Variants in SAP130 observed in about 807,000 individuals in gnomAD.
SAP130 encodes the protein Sin3A associated protein 130, also known as histone deacetylase complex subunit SAP130.
In SAP130, 16 loss-of-function variants were observed where a neutral mutation model predicts 103.2. The ratio of observed to expected loss-of-function variants is 0.16; its 90% confidence interval spans 0.10 to 0.24. The LOEUF (loss-of-function observed/expected upper bound fraction) is 0.24. Ranked by LOEUF, SAP130 falls within the 10% of genes least tolerant of loss-of-function variation. The pLI is 1.00. For synonymous variants in SAP130, 477 were observed against 497.0 expected, an observed-to-expected ratio of 0.96 and a Z score of 0.53; for missense variants, 990 against 1,359.7, an observed-to-expected ratio of 0.73 and a Z score of 4.28.
Position 127,996,617 on chromosome 2 carries a change from T to A in SAP130, c.1214-126A>T. The stretch of plus-strand genomic sequence containing the variant: ...AATAAGCCTGGATTTTTAATCAAAA[T>A]AAAAAATGAAAAATAAGTACAAAGT... On this transcript the variant is annotated intron_variant, in intron 10 of 20. Transcript: ENST00000643581. The surrounding 1 kb of genome is among the most constrained non-coding windows in gnomAD (Gnocchi z 4.3). 1 of 879,304 alleles carries A rather than the reference T, an allele frequency of 1.1e-6. No homozygotes were observed. The highest frequency in any genetic ancestry group is 1.7e-5 in the African/African-American group (1 of 57,320). 54.5% of individuals were successfully genotyped at this position (879,304 alleles called of 1,614,324 possible). A position where few individuals can be genotyped will look rare whatever the true frequency, so the allele number is the denominator to read the frequency against.
intron 15 of SAP130, among the ~76,000 whole-genome samples, chr2:127,958,170 T>G (rs540048992): frequency 2.2e-4 from 34 of 152,348 alleles, no homozygotes; most frequent in African/African-American, 7.9e-4. Flanking sequence ...ATCCCACCAC[T>G]TTGGGAGGCC....
rs116595964 is a variant in SAP130 at position 127,980,952 on chromosome 2, G to A, written c.1959-2863C>T. Among the ~76,000 whole-genome samples, 692 of 151,908 alleles carry A rather than the reference G, an allele frequency of 4.6e-3. 6 individuals are homozygous for A. The highest frequency in any genetic ancestry group is 0.016 in the African/African-American group (648 of 41,378). ...TAATGCAGATGAATTACATAAAACC[G>A]AGTGATGAAAGTCAGACTCACACAA... On this transcript the variant is annotated intron_variant, in intron 14 of 20. Transcript: ENST00000643581.
intron 19 of SAP130, among the ~76,000 whole-genome samples, chr2:127,943,901 T>A (rs1221995947): frequency 6.6e-6 from 1 of 152,258 alleles, no homozygotes; most frequent in East Asian, 1.9e-4. Context: ...TATAAACTTT[T>A]AAATTGTTTT....
At chr2:127,957,071 C>T (rs1298588524) in intron 15 of SAP130, among the ~76,000 whole-genome samples, 3 of 152,070 alleles carry the variant, frequency 2.0e-5, no homozygotes, top group African/African-American at 7.2e-5. Flanking sequence ...GAAGCTGAGG[C>T]GGAAGAATCA....
chr2:128,018,886 A>G (rs983212090), intron 2 of SAP130, among the ~76,000 whole-genome samples: 16 of 152,098 alleles, frequency 1.1e-4, no homozygotes, highest in African/African-American at 3.9e-4. Context: ...ATTTGAAGTC[A>G]GGAGTTCCAG....
At chr2:128,026,042 G>C in intron 2 of SAP130, 139 bp downstream of exon 2, 1 of 631,122 alleles carries the variant, frequency 1.6e-6, no homozygotes, top group Non-Finnish European at 2.8e-6. Flanking sequence ...GTTTAAATTA[G>C]AATAGTAATA....
At chr2:127,974,431 C>G (rs940376258) in intron 15 of SAP130, among the ~76,000 whole-genome samples, 6 of 152,120 alleles carry the variant, frequency 3.9e-5, no homozygotes, top group African/African-American at 1.4e-4. Context: ...GAGCACGAAG[C>G]TCACACATGT....
At chr2:128,027,099 C>G in intron 1 of SAP130, 2 of 1,415,222 alleles carry the variant, frequency 1.4e-6, no homozygotes, top group Non-Finnish European at 1.9e-6. Context: ...TACCTGTAGC[C>G]GCCGCCCGCC....
chr2:127,983,837 T>TG, intron 14 of SAP130, among the ~76,000 whole-genome samples: 2 of 130,034 alleles, frequency 1.5e-5, no homozygotes, highest in Admixed American at 7.8e-5. Context: ...TTTTTTTTTT[T>TG]TTTTTTTTTA....
Position 128,014,756 on chromosome 2 carries a change from T to C in SAP130, c.619+47A>G, listed in dbSNP as rs766719515. The C allele has an allele frequency of 9.3e-6, 12 of 1,293,194 alleles. No individual in the cohort carries two copies. The African/African-American group carries it at 1.5e-4, about 16-fold the overall frequency. 80.1% of individuals were successfully genotyped at this position (1,293,194 alleles called of 1,614,324 possible). On this transcript the variant is annotated intron_variant, in intron 5 of 20. Transcript: ENST00000643581. ...TGTTACGTATTTTACCAAATGTATA[T>C]CTACTACTACATTTTGAGAGTTTGA...
At chr2:127,968,743 T>C (rs573018372) in intron 15 of SAP130, among the ~76,000 whole-genome samples, 1 of 152,066 alleles carries the variant, frequency 6.6e-6, no homozygotes, top group South Asian at 2.1e-4. Flanking sequence ...CTCAAACTCC[T>C]GACCTCAAGT....
intron 7 of SAP130, among the ~76,000 whole-genome samples, chr2:128,007,774 G>C (rs1255618720): frequency 6.6e-6 from 1 of 152,110 alleles, no homozygotes; most frequent in Non-Finnish European, 1.5e-5. Context: ...TCAGAGTTCT[G>C]TTCTAGGCCC....
chr2:128,025,229 G>C (rs1028546562), intron 2 of SAP130, among the ~76,000 whole-genome samples: 4 of 152,188 alleles, frequency 2.6e-5, no homozygotes, highest in Admixed American at 6.5e-5. Context: ...TCTCTGTTGT[G>C]GGGGGCTTCC....
At chr2:127,947,740 GAATT>G (rs1034348619) in intron 18 of SAP130, among the ~76,000 whole-genome samples, 24 of 146,622 alleles carry the variant, frequency 1.6e-4, no homozygotes, top group Non-Finnish European at 2.9e-4. Flanking sequence ...CATATTGTGT[GAATT>G]AATTTTGTAT....
At chr2:127,957,051 A>G (rs1679890742) in intron 15 of SAP130, among the ~76,000 whole-genome samples, 1 of 152,228 alleles carries the variant, frequency 6.6e-6, no homozygotes, top group South Asian at 2.1e-4. Context: ...ATAAATTCCC[A>G]GCAGTTTGGG....
At position 127,993,438 on chromosome 2, in the gene SAP130, A is replaced by G. The variant is rs142670061; in HGVS notation, c.1356-130T>C. On this transcript the variant is annotated intron_variant, in intron 11 of 20. Transcript: ENST00000643581. The stretch of plus-strand genomic sequence containing the variant: ...AAGCTTTGCTCAAATTGTGTCCCAA[A>G]CAAACTCTTACATCACAGGACACAC... The G allele has an allele frequency of 1.0e-2, 9,222 of 926,178 alleles. 66 individuals carry two copies. Among genetic ancestry groups the G allele is most frequent in the South Asian group, 0.019 (887 of 46,034 alleles). 57.4% of individuals were successfully genotyped at this position (926,178 alleles called of 1,614,324 possible). A position where few individuals can be genotyped will look rare whatever the true frequency, so the allele number is the denominator to read the frequency against.
In SAP130 at chr2:127,948,337, T is replaced by C. The variant is rs569298503; in HGVS notation, c.2797+1532A>G. Among the ~76,000 whole-genome samples the C allele has an allele frequency of 1.6e-4, 23 of 144,732 alleles. 1 individual carries two copies. In the South Asian group the frequency reaches 3.2e-3, roughly 20 times the overall value. 94.9% of individuals were successfully genotyped at this position (144,732 alleles called of 152,430 possible). A position where few individuals can be genotyped will look rare whatever the true frequency, so the allele number is the denominator to read the frequency against. ...CTTTTCTTTCCTGTGAGTTTTTTTT[T>C]TTTTTTTTTTTTTTGAGACAGAGTC... On this transcript the variant is annotated intron_variant, in intron 18 of 20. Coordinates refer to ENST00000643581, the MANE Select transcript of SAP130 (RefSeq NM_001330301.2).
intron 16 of SAP130, among the ~76,000 whole-genome samples, chr2:127,952,150 C>A (rs1309715826): frequency 6.6e-6 from 1 of 152,076 alleles, no homozygotes; most frequent in Non-Finnish European, 1.5e-5. Flanking sequence ...TCTTATTTGT[C>A]CCATCTTAAA....
At chr2:127,970,126 G>T (rs529023589) in intron 15 of SAP130, among the ~76,000 whole-genome samples, 2 of 151,060 alleles carry the variant, frequency 1.3e-5, no homozygotes, top group Non-Finnish European at 2.9e-5. Context: ...TACTTGGGAG[G>T]CTGAGGCAGG....
Sources: allele counts gnomAD v4.1 joint callset (sites outside exome capture counted in the v4.1 genomes callset), GRCh38; gene constraint gnomAD v4.1.1; non-coding constraint Gnocchi (gnomAD v3.1); transcripts MANE v1.5; gene names NCBI Gene and HGNC (gene_info 2026-07-23, HGNC 2026-07-21).